CDKL3: variants seen among roughly 807,000 people sequenced by gnomAD.
The protein encoded by CDKL3 is cyclin-dependent kinase-like 3.
CDKL3 carries 65 observed loss-of-function variants against 69.3 expected under a neutral mutation model. That is an observed-to-expected ratio of 0.94 (90% confidence interval 0.77 to 1.15). CDKL3 has a LOEUF of 1.15. Ranked by LOEUF, CDKL3 falls within the 50% of genes most tolerant of loss-of-function variation. CDKL3 has a pLI of 0.00. For missense variants in CDKL3, 652 were observed against 689.2 expected (o/e 0.95, Z 0.61); for synonymous variants, 202 against 221.6 (o/e 0.91, Z 0.79).
intron 8 of CDKL3, among the ~76,000 whole-genome samples, chr5:134,286,982 A>T (rs1481721395): frequency 6.6e-6 from 1 of 152,212 alleles, no homozygotes; most frequent in Non-Finnish European, 1.5e-5. Flanking sequence ...ATTTTGGAGA[A>T]ATACCCTCAG....
chr5:134,294,380 ATAAGAC>A (rs1461556027), downstream of CDKL3, among the ~76,000 whole-genome samples: 1 of 152,178 alleles, frequency 6.6e-6, no homozygotes, highest in Admixed American at 6.5e-5. Context: ...GGTAATCTAC[ATAAGAC>A]CTATAGCTAG....
At chr5:134,317,373 T>A (rs1443475704) in intron 6 of CDKL3, among the ~76,000 whole-genome samples, 1 of 152,102 alleles carries the variant, frequency 6.6e-6, no homozygotes, top group African/African-American at 2.4e-5. Context: ...TGACCTCAGG[T>A]GATCCACCCA....
chr5:134,371,396 A>G, upstream of CDKL3: 1 of 716,020 alleles, frequency 1.4e-6, no homozygotes, highest in Non-Finnish European at 2.3e-6. Flanking sequence ...CCCAGCACTC[A>G]CACTGTGGTA....
chr5:134,322,103 C>T (rs1398454248), intron 4 of CDKL3, among the ~76,000 whole-genome samples, 200 bp from the exon 5 acceptor site: 2 of 152,050 alleles, frequency 1.3e-5, no homozygotes, highest in Non-Finnish European at 1.5e-5. Context: ...TCACTGCAAC[C>T]TCCGGGTTCA....
intron 3 of CDKL3, among the ~76,000 whole-genome samples, chr5:134,355,251 A>C (rs1446230373): frequency 1.3e-5 from 2 of 151,832 alleles, no homozygotes; most frequent in Non-Finnish European, 1.5e-5. Context: ...AAAAAAAAAA[A>C]AAAAACAGAT....
chr5:134,369,876 A>G (rs1758164280), upstream of CDKL3, among the ~76,000 whole-genome samples: 1 of 152,146 alleles, frequency 6.6e-6, no homozygotes, highest in Non-Finnish European at 1.5e-5. Context: ...GTTTCTCTTT[A>G]CCATTTTTCT....
At chr5:134,366,860 G>C (rs2149678767) in intron 1 of CDKL3, 117 bp downstream of exon 1, 1 of 989,712 alleles carries the variant, frequency 1.0e-6, no homozygotes, top group East Asian at 9.6e-5. Flanking sequence ...TTCCTGTCAT[G>C]TTCCTGTCAA....
At chr5:134,351,581 C>T (rs974299520) in intron 3 of CDKL3, among the ~76,000 whole-genome samples, 1 of 151,622 alleles carries the variant, frequency 6.6e-6, no homozygotes, top group East Asian at 1.9e-4. Flanking sequence ...ACTATAAGCG[C>T]GTGTCTGTAG....
At chr5:134,290,157 C>G (rs1281147506) in intron 8 of CDKL3, among the ~76,000 whole-genome samples, 3 of 151,832 alleles carry the variant, frequency 2.0e-5, no homozygotes, top group Non-Finnish European at 4.4e-5. Flanking sequence ...AAATCAAGAC[C>G]CTCCTGGCCA....
intron 4 of CDKL3, among the ~76,000 whole-genome samples, chr5:134,337,967 T>C (rs970013024): frequency 1.3e-5 from 2 of 152,202 alleles, no homozygotes; most frequent in African/African-American, 4.8e-5. Context: ...TTTTTCATAA[T>C]ATGCATTTCC....
intron 2 of CDKL3, among the ~76,000 whole-genome samples, chr5:134,361,674 C>A (rs977042496): frequency 6.6e-6 from 1 of 152,010 alleles, no homozygotes; most frequent in African/African-American, 2.4e-5. Flanking sequence ...GAGGCTGAGG[C>A]GGGCAAATCA....
chr5:134,303,498 A>G (rs1030139203), intron 11 of CDKL3, among the ~76,000 whole-genome samples: 6 of 152,320 alleles, frequency 3.9e-5, no homozygotes, highest in African/African-American at 1.2e-4. Flanking sequence ...TATACTAAAC[A>G]AATTTCTCAA....
chr5:134,296,615 G>A, downstream of CDKL3, among the ~76,000 whole-genome samples: 1 of 152,100 alleles, frequency 6.6e-6, no homozygotes, highest in Non-Finnish European at 1.5e-5. Context: ...TCTATAAACT[G>A]GCTGAAACTT....
chr5:134,354,577 C>G (rs1007768585), intron 3 of CDKL3, among the ~76,000 whole-genome samples: 1 of 152,108 alleles, frequency 6.6e-6, no homozygotes, highest in African/African-American at 2.4e-5. Flanking sequence ...TAATTGAGGG[C>G]CTACTATATG....
downstream of CDKL3, among the ~76,000 whole-genome samples, chr5:134,293,500 T>A (rs1398751530): frequency 2.0e-5 from 3 of 152,064 alleles, no homozygotes; most frequent in African/African-American, 7.2e-5. Flanking sequence ...CCAAAATCCT[T>A]CATTAATATA....
intron 8 of CDKL3, among the ~76,000 whole-genome samples, chr5:134,291,650 T>C (rs753114259): frequency 6.6e-6 from 1 of 152,022 alleles, no homozygotes. Flanking sequence ...GGCGTACACC[T>C]GTAATCTCAG....
chr5:134,350,293 C>G lies in CDKL3; in HGVS notation c.495G>C (p.Trp165Cys). 1 of 1,592,256 alleles carries G rather than the reference C, an allele frequency of 6.3e-7. No individual in the cohort carries two copies. The highest frequency in any genetic ancestry group is 8.6e-7 in the Non-Finnish European group (1 of 1,169,086). The part of the protein sequence containing the change: ...DIYTDYVATR[W>C]YRAPELVLKD... ...TTAATACTAATTCGGGAGCTCTATA[C>G]CAGCGTGTGGCCACATAGTCCGTAT... The change falls in exon 4 of 13, where the codon TGG (tryptophan) becomes TGC (cysteine). Residue 165 changes from tryptophan to cysteine, a missense_variant. By Grantham distance (215) the Trp-to-Cys change is radical. Coordinates refer to ENST00000265334, the MANE Select transcript of CDKL3 (RefSeq NM_001113575.2).
chr5:134,366,157 T>C (rs1402463988), intron 2 of CDKL3, among the ~76,000 whole-genome samples: 1 of 152,210 alleles, frequency 6.6e-6, no homozygotes, highest in African/African-American at 2.4e-5. Context: ...TATTAAACAA[T>C]ATTGGTGTAG....
intron 4 of CDKL3, among the ~76,000 whole-genome samples, chr5:134,346,082 G>A (rs1431942180): frequency 2.0e-5 from 3 of 152,072 alleles, no homozygotes; most frequent in Non-Finnish European, 2.9e-5. Flanking sequence ...CCTCCAGAGC[G>A]ATTAGAATTC....
Sources: gnomAD v4.1 joint callset for allele counts (sites outside exome capture counted in the v4.1 genomes callset) on GRCh38, gnomAD v4.1.1 for gene constraint, MANE v1.5 for transcripts, NCBI Gene and HGNC (gene_info 2026-07-23, HGNC 2026-07-21) for gene names.